Variants in KCNMB2 observed in about 807,000 individuals in gnomAD.
The protein encoded by KCNMB2 is potassium calcium-activated channel subfamily M regulatory beta subunit 2.
A neutral mutation model predicts 24.5 loss-of-function variants in KCNMB2; 9 were observed. That is an observed-to-expected ratio of 0.37 (90% confidence interval 0.22 to 0.64). KCNMB2 has a LOEUF of 0.64. KCNMB2 is among the 30% of genes least tolerant of loss of function. KCNMB2 has a pLI of 0.63. For missense variants in KCNMB2, 226 were observed against 284.3 expected (o/e 0.79, Z 1.47); for synonymous variants, 109 against 104.4 (o/e 1.04, Z -0.27).
At chr3:178,770,708 A>C (rs1712314971) in intron 1 of KCNMB2, among the ~76,000 whole-genome samples, 1 of 152,262 alleles carries the variant, frequency 6.6e-6, no homozygotes, top group Non-Finnish European at 1.5e-5. Context: ...TAGAGTCCAT[A>C]CACATTTTAC....
rs1228439065 is a variant in KCNMB2 at position 178,832,693 on chromosome 3, C to G, written c.423+4320C>G. Among the ~76,000 whole-genome samples, 5 of 81,138 alleles carry G rather than the reference C, an allele frequency of 6.2e-5. 1 individual carries two copies. The highest frequency in any genetic ancestry group is 1.1e-4 in the Non-Finnish European group (5 of 43,732). 53.2% of individuals were successfully genotyped at this position (81,138 alleles called of 152,430 possible). On this transcript the variant is annotated intron_variant, in intron 4 of 4. Transcript: ENST00000452583. Reference sequence around the variant, plus strand: ...TAATTCAGCAATTCTTTCCTCTGCTCTGCAGATCAACTGTTAAACCCATCC... The same window carrying G: ...TAATTCAGCAATTCTTTCCTCTGCTGTGCAGATCAACTGTTAAACCCATCC...
intron 2 of KCNMB2, among the ~76,000 whole-genome samples, 162 bp downstream of exon 2, chr3:178,807,627 C>A (rs1714028008): frequency 6.6e-6 from 1 of 152,166 alleles, no homozygotes; most frequent in Non-Finnish European, 1.5e-5. Context: ...GGCCTTCCTT[C>A]TCCTTGCACT....
intron 1 of KCNMB2, among the ~76,000 whole-genome samples, chr3:178,721,281 T>G (rs1403129127): frequency 6.6e-6 from 1 of 152,216 alleles, no homozygotes; most frequent in East Asian, 1.9e-4. Flanking sequence ...GATCAGATAG[T>G]TGTAGATATG....
At chr3:178,559,936 A>G (rs1056782924) in intron 1 of KCNMB2, among the ~76,000 whole-genome samples, 3 of 147,670 alleles carry the variant, frequency 2.0e-5, no homozygotes, top group African/African-American at 7.4e-5. Flanking sequence ...ATATATATAT[A>G]AAATATATAA....
chr3:178,564,704 T>C (rs1209247659), intron 1 of KCNMB2, among the ~76,000 whole-genome samples: 1 of 152,184 alleles, frequency 6.6e-6, no homozygotes, highest in African/African-American at 2.4e-5. Flanking sequence ...CATCTCTCAT[T>C]AACTTGATGG....
intron 1 of KCNMB2, among the ~76,000 whole-genome samples, chr3:178,612,353 C>A (rs1718510780): frequency 6.6e-6 from 1 of 152,048 alleles, no homozygotes; most frequent in Non-Finnish European, 1.5e-5. Context: ...GTGTTGAAGT[C>A]CCCAGCTATT....
rs536746029 is a variant in KCNMB2 at position 178,553,488 on chromosome 3, G to C, written c.-68+16777G>C. Among the ~76,000 whole-genome samples the C allele has an allele frequency of 5.3e-5, 8 of 151,032 alleles. No homozygotes were observed. The South Asian group carries it at 8.4e-4, about 16-fold the overall frequency. On this transcript the variant is annotated intron_variant, in intron 1 of 4. Transcript: ENST00000452583. ...ACACAGAAAGAGAGTTTTTGGCTGA[G>C]GAATGTCACTCAGCACTGAGCATTC...
chr3:178,684,924 A>T (rs892951695), intron 1 of KCNMB2, among the ~76,000 whole-genome samples: 4 of 152,224 alleles, frequency 2.6e-5, no homozygotes, highest in Non-Finnish European at 5.9e-5. Flanking sequence ...TATACCTTAA[A>T]CATACACAGT....
At chr3:178,618,618 C>T (rs141081243) in intron 1 of KCNMB2, among the ~76,000 whole-genome samples, 1 of 152,232 alleles carries the variant, frequency 6.6e-6, no homozygotes, top group African/African-American at 2.4e-5. Context: ...GATTGGCAAA[C>T]AGAAACCTAT....
intron 1 of KCNMB2, among the ~76,000 whole-genome samples, chr3:178,719,947 T>C (rs1722741471): frequency 6.6e-6 from 1 of 152,132 alleles, no homozygotes; most frequent in Admixed American, 6.6e-5. Context: ...ATAACATAAA[T>C]GGAGTCATAG....
intron 1 of KCNMB2, among the ~76,000 whole-genome samples, chr3:178,661,607 G>A (rs1414160883): frequency 6.6e-6 from 1 of 152,088 alleles, no homozygotes; most frequent in East Asian, 1.9e-4. Context: ...CAGGCAGTTG[G>A]CTGAATTTGA....
chr3:178,797,138 G>A (rs571697217), intron 1 of KCNMB2, among the ~76,000 whole-genome samples: 1 of 152,138 alleles, frequency 6.6e-6, no homozygotes, highest in African/African-American at 2.4e-5. Context: ...AAACTTAGAA[G>A]AAACAGATAA....
intron 1 of KCNMB2, among the ~76,000 whole-genome samples, chr3:178,658,055 A>C (rs1355898165): frequency 6.6e-6 from 1 of 152,170 alleles, no homozygotes; most frequent in Non-Finnish European, 1.5e-5. Flanking sequence ...CAAGTATCTG[A>C]CTTTGATCCA....
At chr3:178,832,085 C>T (rs192396165) in intron 4 of KCNMB2, among the ~76,000 whole-genome samples, 4 of 151,992 alleles carry the variant, frequency 2.6e-5, no homozygotes, top group Admixed American at 6.6e-5. Flanking sequence ...TTTTATTATT[C>T]GTATTCCTTT....
At chr3:178,649,239 T>C (rs1720022562) in intron 1 of KCNMB2, among the ~76,000 whole-genome samples, 2 of 152,220 alleles carry the variant, frequency 1.3e-5, no homozygotes, top group South Asian at 2.1e-4. Context: ...TTGCTCTTTA[T>C]GTTTTAAGCT....
At chr3:178,811,148 T>A (rs1714176657) in intron 2 of KCNMB2, among the ~76,000 whole-genome samples, 1 of 152,144 alleles carries the variant, frequency 6.6e-6, no homozygotes, top group African/African-American at 2.4e-5. Context: ...AGACTGTTTA[T>A]CAAATATTCT....
intron 1 of KCNMB2, among the ~76,000 whole-genome samples, chr3:178,577,687 G>A (rs1178999090): frequency 1.3e-5 from 2 of 152,314 alleles, no homozygotes; most frequent in East Asian, 3.9e-4. Context: ...CACAAGTTTA[G>A]AGAAGATGGA....
At chr3:178,701,927 A>G (rs1303421815) in intron 1 of KCNMB2, among the ~76,000 whole-genome samples, 1 of 152,178 alleles carries the variant, frequency 6.6e-6, no homozygotes, top group East Asian at 1.9e-4. Context: ...TTTTGGGTAT[A>G]CTGGGTATAT....
At chr3:178,622,350 A>C (rs111950916) in intron 1 of KCNMB2, among the ~76,000 whole-genome samples, 4 of 152,234 alleles carry the variant, frequency 2.6e-5, no homozygotes, top group African/African-American at 9.6e-5. Flanking sequence ...ACACCACCAC[A>C]TGCATAGAGC....
Sources: allele counts gnomAD v4.1 joint callset (sites outside exome capture counted in the v4.1 genomes callset), GRCh38; gene constraint gnomAD v4.1.1; transcripts MANE v1.5; gene names NCBI Gene and HGNC (gene_info 2026-07-23, HGNC 2026-07-21).